NEK1: variants seen among roughly 807,000 people sequenced by gnomAD.
The protein encoded by NEK1 is NIMA related kinase 1, also known as serine/threonine-protein kinase Nek1.
A neutral mutation model predicts 182.1 loss-of-function variants in NEK1; 137 were observed. The observed-to-expected ratio is 0.75, with a 90% CI of 0.65 to 0.87. The LOEUF is 0.87. Ranked by LOEUF, NEK1 falls within the 40% of genes least tolerant of loss-of-function variation. The pLI, the probability that NEK1 is intolerant of heterozygous loss-of-function variation, is 0.00. For synonymous variants in NEK1, 513 were observed against 492.2 expected, an observed-to-expected ratio of 1.04 and a Z score of -0.56; for missense variants, 1,391 against 1,494.4, an observed-to-expected ratio of 0.93 and a Z score of 1.14.
intron 13 of NEK1, 61 bp downstream of exon 13, chr4:169,562,076 T>C (rs1763010094): frequency 1.5e-6 from 2 of 1,316,210 alleles, no homozygotes; most frequent in Admixed American, 4.6e-5. Context: ...AGTAAGATTT[T>C]GTTTCTTTTT....
intron 23 of NEK1, among the ~76,000 whole-genome samples, chr4:169,493,184 C>A (rs1750444804): frequency 6.6e-6 from 1 of 152,100 alleles, no homozygotes; most frequent in African/African-American, 2.4e-5. Flanking sequence ...CTACCTGCAA[C>A]CAAAAAACCC....
At chr4:169,433,883 A>G (rs904975290) in intron 28 of NEK1, among the ~76,000 whole-genome samples, 2 of 152,188 alleles carry the variant, frequency 1.3e-5, no homozygotes, top group Non-Finnish European at 2.9e-5. Flanking sequence ...CTTTTACTGT[A>G]ATAAAAATGC....
At chr4:169,437,770 C>T (rs1468015012) in intron 28 of NEK1, among the ~76,000 whole-genome samples, 2 of 152,080 alleles carry the variant, frequency 1.3e-5, no homozygotes, top group African/African-American at 4.8e-5. Context: ...GCCTAGCTGC[C>T]GGCTGACCAA....
rs542412595 is a variant in NEK1, at chr4:169,432,022, AAG to A, written c.2885+1521_2885+1522del. On this transcript the variant is annotated intron_variant, in intron 29 of 35. Transcript: ENST00000507142. ...ACCAGGGCAAATATCTCTCACTTTT[AAG>A]AGTTTTTACTAATTTATAAAAGACC... Among the ~76,000 whole-genome samples the A allele has an allele frequency of 2.6e-3, 395 of 152,170 alleles. 1 individual carries two copies. Among genetic ancestry groups the A allele is most frequent in the Admixed American group, 3.9e-3 (59 of 15,274 alleles).
chr4:169,499,215 C>T (rs1043802319), intron 23 of NEK1, among the ~76,000 whole-genome samples: 25 of 152,198 alleles, frequency 1.6e-4, no homozygotes, highest in Admixed American at 1.0e-3. Context: ...CTTGTGCATT[C>T]GTCACGTAGT....
intron 23 of NEK1, among the ~76,000 whole-genome samples, chr4:169,489,670 G>A (rs1055382718): frequency 3.3e-5 from 5 of 152,084 alleles, no homozygotes; most frequent in African/African-American, 1.2e-4. Flanking sequence ...CTCCTCTCCT[G>A]GTGTCCAAGT....
At chr4:169,546,496 G>A (rs1580661817) in intron 18 of NEK1, among the ~76,000 whole-genome samples, 1 of 152,128 alleles carries the variant, frequency 6.6e-6, no homozygotes. Flanking sequence ...TGTCTATTAG[G>A]TCCGCTCAGT....
At chr4:169,609,870 C>A (rs1411448577) in intron 2 of NEK1, among the ~76,000 whole-genome samples, 1 of 152,156 alleles carries the variant, frequency 6.6e-6, no homozygotes, top group East Asian at 1.9e-4. Flanking sequence ...TTCAACAATT[C>A]CCCATCTCCA....
chr4:169,610,033 T>C (rs1029225992), intron 2 of NEK1, among the ~76,000 whole-genome samples: 6 of 151,590 alleles, frequency 4.0e-5, no homozygotes, highest in Admixed American at 3.3e-4. Flanking sequence ...TTTTTTTTTT[T>C]CTGAGACAGA....
At chr4:169,484,129 A>T (rs1357682085) in intron 23 of NEK1, among the ~76,000 whole-genome samples, 1 of 152,206 alleles carries the variant, frequency 6.6e-6, no homozygotes, top group Non-Finnish European at 1.5e-5. Flanking sequence ...ACTTTGAATG[A>T]ACACATTCTG....
intron 16 of NEK1, 127 bp from the exon 17 acceptor site, chr4:169,556,222 C>A: frequency 1.2e-6 from 1 of 822,524 alleles, no homozygotes; most frequent in Non-Finnish European, 1.8e-6. Flanking sequence ...TATGAACATA[C>A]TAACAAACAT....
chr4:169,395,278 A>T lies in NEK1; in HGVS notation c.3848-755T>A, dbSNP rs907827650. Among the ~76,000 whole-genome samples, 8 of 152,302 alleles carry T rather than the reference A, an allele frequency of 5.3e-5. No individual in the cohort carries two copies. In the East Asian group the frequency reaches 1.4e-3, roughly 26 times the overall value. ...ACATTTGTTAGCTCCCTGCTGCCTC[A>T]AAATGGAATCCACGCTCCTTAACGT... On this transcript the variant is annotated intron_variant, in intron 35 of 35. Transcript: ENST00000507142.
chr4:169,581,887 TTTA>T (rs1023877911), intron 10 of NEK1, among the ~76,000 whole-genome samples: 2 of 152,150 alleles, frequency 1.3e-5, no homozygotes, highest in Non-Finnish European at 2.9e-5. Context: ...TATAACTAAT[TTTA>T]TTAAGTTATT....
chr4:169,449,867 T>G (rs527949550), intron 27 of NEK1, among the ~76,000 whole-genome samples: 1 of 152,248 alleles, frequency 6.6e-6, no homozygotes, highest in South Asian at 2.1e-4. Context: ...AGGTCGGTAA[T>G]AACAAACTTC....
Position 169,488,665 on chromosome 4 carries a change from C to A in NEK1, c.2008-9131G>T, listed in dbSNP as rs957471699. Among the ~76,000 whole-genome samples, 3 of 152,114 alleles carry A rather than the reference C, an allele frequency of 2.0e-5. No homozygotes were observed. In the East Asian group the frequency reaches 5.8e-4, roughly 29 times the overall value. ...GGTTTTACTGAAGAAAATGCACCAA[C>A]ATACATACTGCCAAACTTTACATTA... On this transcript the variant is annotated intron_variant, in intron 23 of 35. Transcript: ENST00000507142.
At chr4:169,422,119 C>T (rs6841046) in intron 31 of NEK1, among the ~76,000 whole-genome samples, 135,261 of 152,144 alleles carry the variant, frequency 0.89, 60,208 homozygotes, top group Middle Eastern at 0.95. Context: ...AAAGAGAAAA[C>T]GGTGCAGAGA....
intron 23 of NEK1, among the ~76,000 whole-genome samples, chr4:169,495,026 C>T (rs1338925513): frequency 6.6e-6 from 1 of 152,064 alleles, no homozygotes; most frequent in Non-Finnish European, 1.5e-5. Flanking sequence ...AAAATTTTCT[C>T]CCATTCTGTA....
At chr4:169,609,247 G>C (rs73864732) in intron 2 of NEK1, among the ~76,000 whole-genome samples, 1,996 of 152,142 alleles carry the variant, frequency 0.013, 40 homozygotes, top group African/African-American at 0.045. Flanking sequence ...AAACAATATG[G>C]TGGGACTATA....
chr4:169,604,099 T>C (rs763674146), intron 2 of NEK1, among the ~76,000 whole-genome samples: 2 of 152,222 alleles, frequency 1.3e-5, no homozygotes, highest in East Asian at 1.9e-4. Flanking sequence ...AAAAACTCCT[T>C]ATGTAATGAA....
Sources: allele counts gnomAD v4.1 joint callset (sites outside exome capture counted in the v4.1 genomes callset), GRCh38; gene constraint gnomAD v4.1.1; transcripts MANE v1.5; gene names NCBI Gene and HGNC (gene_info 2026-07-23, HGNC 2026-07-21).